CGAS: variants seen among roughly 807,000 people sequenced by gnomAD.
CGAS encodes the protein cyclic GMP-AMP synthase, also known as 2'3'-cGAMP synthase.
Under a neutral mutation model 34.0 loss-of-function variants are expected in CGAS, and 31 were observed. That is an observed-to-expected ratio of 0.91 (90% CI 0.69 to 1.23). The LOEUF is 1.23. Ranked by LOEUF, CGAS falls within the 50% of genes most tolerant of loss-of-function variation. The pLI is 0.00. For synonymous variants in CGAS, 266 were observed against 260.0 expected (o/e 1.02, Z -0.22); for missense variants, 597 against 657.6 (o/e 0.91, Z 1.01).
intron 4 of CGAS, among the ~76,000 whole-genome samples, chr6:73,426,875 G>A (rs1770098807): frequency 1.3e-5 from 2 of 149,330 alleles, no homozygotes; most frequent in Admixed American, 1.3e-4. Flanking sequence ...TTTTGAGATG[G>A]AGTCTCGCTC....
In CGAS at chr6:73,425,449, G is replaced by A. The variant is rs752853040; in HGVS notation, c.1347C>T (p.Asn449=). The A allele has an allele frequency of 1.9e-6, 3 of 1,614,012 alleles. No homozygotes were observed. Among genetic ancestry groups the A allele is most frequent in the East Asian group, 4.5e-5 (2 of 44,902 alleles). ...KTAFFHVCTQ[N]PQDSQWDRKD... ...TGCGGTCCCACTGACTGTCTTGAGG[G>A]TTCTGGGTACATACGTGAAAGAAGG... is the stretch of plus-strand genomic sequence containing the variant. The change falls in exon 5 of 5, where the codon AAC becomes AAT. Residue 449 remains asparagine, a synonymous_variant. Transcript: ENST00000370315.
chr6:73,445,386 A>G (rs1770453028), intron 2 of CGAS, 142 bp downstream of exon 2: 3 of 395,990 alleles, frequency 7.6e-6, no homozygotes, highest in Non-Finnish European at 1.4e-5. Context: ...TTGCCAATGT[A>G]CACTCCTCTA....
intron 2 of CGAS, among the ~76,000 whole-genome samples, chr6:73,442,171 C>T (rs898905828): frequency 4.6e-5 from 7 of 152,114 alleles, no homozygotes; most frequent in Non-Finnish European, 1.0e-4. Context: ...CTGTGCCTGG[C>T]CCTCCATCTA....
chr6:73,428,590 C>T, intron 4 of CGAS, 119 bp downstream of exon 4: 1 of 813,286 alleles, frequency 1.2e-6, no homozygotes, highest in Non-Finnish European at 1.9e-6. Context: ...CAGCTCAACC[C>T]AATCCTGCCC....
chr6:73,426,271 G>A (rs1042868347), intron 4 of CGAS, among the ~76,000 whole-genome samples: 32 of 149,978 alleles, frequency 2.1e-4, no homozygotes, highest in African/African-American at 7.2e-4. Flanking sequence ...CAACAAGTGA[G>A]ACTCCATCTC....
chr6:73,436,468 T>C (rs1770281640), intron 3 of CGAS, among the ~76,000 whole-genome samples: 1 of 150,386 alleles, frequency 6.6e-6, no homozygotes, highest in Admixed American at 6.7e-5. Context: ...ATATAATTTA[T>C]ATTATATACT....
Position 73,452,062 on chromosome 6 carries a change from G to T in CGAS, c.120C>A (p.Ala40=), listed in dbSNP as rs752738906. The change falls in exon 1 of 5, where the codon GCC becomes GCA. Residue 40 remains alanine (A), a synonymous_variant. Coordinates refer to ENST00000370315, the MANE Select transcript of CGAS (RefSeq NM_138441.3). ...APMDPTESPA[A]PEAALPKAGK... is the part of the protein sequence containing the mutation. ...CCGCCTTAGGCAGGGCGGCCTCGGG[G>T]GCAGCCGGAGACTCGGTGGGATCCA... 2.0e-6 allele frequency: 3 copies of T among 1,535,422 alleles called. No homozygotes were observed. Among genetic ancestry groups the T allele is most frequent in the Non-Finnish European group, 2.6e-6 (3 of 1,141,482 alleles).
rs1451835720 is a variant in CGAS, at chr6:73,451,719, G to A, written c.463C>T (p.Arg155Trp). Residue 155 changes from arginine (R) to tryptophan (W), a missense_variant, in exon 1 of 5, where the codon CGG (arginine) becomes TGG (tryptophan). Transcript: ENST00000370315. ...GLPVSAPILV[R>W]RDAAPGASKL... ...GAGGCCCCAGGCGCCGCATCCCTCCGTACGAGAATGGGGGCCGAGACCGGC... is the reference window on the plus strand; with the variant it reads ...GAGGCCCCAGGCGCCGCATCCCTCCATACGAGAATGGGGGCCGAGACCGGC... 24 of 1,613,316 alleles carry A rather than the reference G, an allele frequency of 1.5e-5. No homozygotes were observed. Among genetic ancestry groups the A allele is most frequent in the East Asian group, 2.2e-5 (1 of 44,882 alleles).
At position 73,438,201 on chromosome 6, in the gene CGAS, A is replaced by G. The variant is rs987337955; in HGVS notation, c.1114+2008T>C. On this transcript the variant is annotated intron_variant, in intron 3 of 4. Coordinates refer to ENST00000370315, the MANE Select transcript of CGAS (RefSeq NM_138441.3). ...ATAGCAGGTGTTATAAGTGTCTCCA[A>G]TCTAGTACAAGTATTTTCACTGTTA... 5.3e-5 allele frequency among the ~76,000 whole-genome samples: 8 copies of G among 152,238 alleles called. 1 individual carries two copies. The highest frequency in any genetic ancestry group is 1.9e-4 in the East Asian group (1 of 5,208).
rs751494908 is a variant in CGAS, at chr6:73,451,700, C to T, written c.482G>A (p.Gly161Glu). The change falls in exon 1 of 5, where the codon GGG becomes GAG. Residue 161 changes from glycine (G) to glutamate (E), a missense_variant. Transcript: ENST00000370315. ...CAAAACCGCCCGGAGCTTCGAGGCC[C>T]CAGGCGCCGCATCCCTCCGTACGAG... ...PILVRRDAAP[G>E]ASKLRAVLEK... 8.7e-6 allele frequency: 14 copies of T among 1,613,774 alleles called. No homozygotes were observed. In the South Asian group the frequency reaches 1.4e-4, roughly 16 times the overall value.
At chr6:73,435,024 T>C (rs928007416) in intron 3 of CGAS, among the ~76,000 whole-genome samples, 1 of 152,038 alleles carries the variant, frequency 6.6e-6, no homozygotes, top group Admixed American at 6.6e-5. Context: ...ATGTGAGATA[T>C]TAATAATAGG....
chr6:73,435,158 C>G (rs1177605832), intron 3 of CGAS, among the ~76,000 whole-genome samples: 1 of 152,096 alleles, frequency 6.6e-6, no homozygotes, highest in African/African-American at 2.4e-5. Context: ...GCCCCACTAC[C>G]TCCCCCAGAA....
rs1477651842 is a variant in CGAS, at chr6:73,451,776, G to C, written c.406C>G (p.Pro136Ala). 6.3e-7 allele frequency: 1 copy of C among 1,596,604 alleles called. No homozygotes were observed. The highest frequency in any genetic ancestry group is 1.3e-5 in the African/African-American group (1 of 74,448). The change falls in exon 1 of 5, where the codon CCC becomes GCC. Residue 136 changes from proline (P) to alanine (A), a missense_variant. By Grantham distance (27) the Pro-to-Ala change is conservative (BLOSUM62 -1). Coordinates refer to ENST00000370315, the MANE Select transcript of CGAS (RefSeq NM_138441.3). ...GGGCTGGGCACGTCCCAGGGCCCGG[G>C]CGGAGGTCTTGGCTTCGTGGAGCAG... ...ARCSTKPRPP[P>A]GPWDVPSPGL...
chr6:73,445,369 T>C (rs1770452366), intron 2 of CGAS, among the ~76,000 whole-genome samples, 159 bp downstream of exon 2: 1 of 151,030 alleles, frequency 6.6e-6, no homozygotes, highest in Non-Finnish European at 1.5e-5. Context: ...AATCATATTA[T>C]AAGTAATTGC....
intron 1 of CGAS, among the ~76,000 whole-genome samples, chr6:73,446,914 G>A (rs1455241194): frequency 5.9e-5 from 9 of 152,012 alleles, no homozygotes; most frequent in African/African-American, 1.9e-4. Context: ...AAATTAGCTA[G>A]GTGTGGTGGC....
intron 3 of CGAS, among the ~76,000 whole-genome samples, chr6:73,436,929 C>A (rs1420463468): frequency 2.0e-5 from 3 of 152,002 alleles, no homozygotes. Context: ...GGTGGGTGGA[C>A]CACCTGAGGT....
chr6:73,439,723 T>G (rs1466344023), intron 3 of CGAS: 1 of 154,146 alleles, frequency 6.5e-6, no homozygotes, highest in Non-Finnish European at 1.4e-5. Flanking sequence ...GAGTCTAGAC[T>G]CTAATGATAA....
intron 3 of CGAS, among the ~76,000 whole-genome samples, chr6:73,434,094 A>G (rs1020064513): frequency 6.6e-6 from 1 of 152,236 alleles, no homozygotes; most frequent in African/African-American, 2.4e-5. Flanking sequence ...TACATTATGT[A>G]CAACAACATG....
At chr6:73,441,958 C>T (rs1175546975) in intron 2 of CGAS, among the ~76,000 whole-genome samples, 1 of 152,038 alleles carries the variant, frequency 6.6e-6, no homozygotes, top group Non-Finnish European at 1.5e-5. Flanking sequence ...CTGCAAACTC[C>T]ACCTCCCAGC....
Sources: allele counts gnomAD v4.1 joint callset (sites outside exome capture counted in the v4.1 genomes callset), GRCh38; gene constraint gnomAD v4.1.1; transcripts MANE v1.5; gene names NCBI Gene and HGNC (gene_info 2026-07-23, HGNC 2026-07-21).